CACNG2: variants seen among roughly 807,000 people sequenced by gnomAD.
CACNG2 encodes the protein calcium voltage-gated channel auxiliary subunit gamma 2, also known as voltage-dependent calcium channel gamma-2 subunit.
Under a neutral mutation model 25.9 loss-of-function variants are expected in CACNG2, and 3 were observed. That is an observed-to-expected ratio of 0.12 (90% CI 0.05 to 0.30). CACNG2 has a LOEUF of 0.30. Ranked by LOEUF, CACNG2 falls within the 10% of genes least tolerant of loss-of-function variation. The probability of loss-of-function intolerance (pLI) is 1.00; values close to 1 mark genes in which losing one functional copy is unlikely to be tolerated. For synonymous variants in CACNG2, 167 were observed against 173.3 expected (o/e 0.96, Z 0.29); for missense variants, 341 against 432.5 (o/e 0.79, Z 1.88).
chr22:36,668,896 G>C (rs547000364), intron 1 of CACNG2, among the ~76,000 whole-genome samples: 2 of 152,266 alleles, frequency 1.3e-5, no homozygotes, highest in African/African-American at 4.8e-5. Flanking sequence ...CAAATGGAGA[G>C]GGTGAATTTG....
chr22:36,564,971 G>T lies in CACNG2; in HGVS notation c.437-85C>A. On this transcript the variant is annotated intron_variant, in intron 3 of 3. Transcript: ENST00000300105. The surrounding 1 kb of genome is among the most constrained non-coding windows in gnomAD (Gnocchi z 6.7). ...AGTCGGCCACAGGGCAGCCGTAAAG[G>T]ACGGGGACAGCTGTGTGGGCCTTCC... The T allele has an allele frequency of 7.9e-7, 1 of 1,263,186 alleles. No individual in the cohort carries two copies. The highest frequency in any genetic ancestry group is 1.1e-6 in the Non-Finnish European group (1 of 876,324). The allele number at this position is 1,263,186 out of a possible 1,614,324, so 78.2% of individuals were successfully genotyped here.
In CACNG2 at chr22:36,702,522, C is replaced by T. The variant is rs894333707; in HGVS notation, c.55G>A (p.Ala19Thr). 6.2e-7 allele frequency: 1 copy of T among 1,614,016 alleles called. No individual in the cohort carries two copies. The highest frequency in any genetic ancestry group is 1.7e-5 in the Admixed American group (1 of 60,010). ...GCTATGGTCATCAGGCTGAAGGCAG[C>T]GAAAGCACCAACGGTGGTTAAAAGC... is the stretch of plus-strand genomic sequence containing the variant. ...QMLLTTVGAF[A>T]AFSLMTIAVG... Residue 19 changes from alanine (A) to threonine (T), a missense_variant, in exon 1 of 4, where the codon GCT (alanine) becomes ACT (threonine). By Grantham distance (58) the Ala-to-Thr change is moderately conservative (BLOSUM62 0). This residue lies in a region of CACNG2 where 169 missense variants were observed against 254.4 expected (regional missense o/e 0.66). Coordinates refer to ENST00000300105, the MANE Select transcript of CACNG2 (RefSeq NM_006078.5).
intron 1 of CACNG2, among the ~76,000 whole-genome samples, chr22:36,647,602 A>AAAG (rs887649100): frequency 1.5e-4 from 23 of 152,052 alleles, no homozygotes; most frequent in South Asian, 2.1e-4. Context: ...ATATCAAAAA[A>AAAG]AAAATGCAAA....
chr22:36,654,594 T>C (rs890694811), intron 1 of CACNG2, among the ~76,000 whole-genome samples: 1 of 152,140 alleles, frequency 6.6e-6, no homozygotes, highest in Admixed American at 6.5e-5. Context: ...CTTTGGCACA[T>C]ATATTTTGAG....
chr22:36,587,502 A>G lies in CACNG2; in HGVS notation c.258T>C (p.Asp86=). The part of the protein sequence containing the change: ...LCKQIDHFPE[D]ADYEADTAEY... ...CTGCTGTGTCAGCTTCGTAATCTGC[A>G]TCCTCTGGGAAGTGATCAATTTGCT... Residue 86 remains aspartate, a synonymous_variant, in exon 2 of 4, where the codon GAT becomes GAC. Coordinates refer to ENST00000300105, the MANE Select transcript of CACNG2 (RefSeq NM_006078.5). 6.2e-7 allele frequency: 1 copy of G among 1,613,842 alleles called. No individual in the cohort carries two copies. Among genetic ancestry groups the G allele is most frequent in the Non-Finnish European group, 8.5e-7 (1 of 1,179,694 alleles).
intron 1 of CACNG2, among the ~76,000 whole-genome samples, chr22:36,693,913 CT>C (rs1937298431): frequency 6.6e-6 from 1 of 152,190 alleles, no homozygotes; most frequent in African/African-American, 2.4e-5. Context: ...GGTATCTCCT[CT>C]ACTAGACTGA....
At chr22:36,643,929 G>A (rs1936481878) in intron 1 of CACNG2, among the ~76,000 whole-genome samples, 2 of 152,244 alleles carry the variant, frequency 1.3e-5, no homozygotes, top group African/African-American at 2.4e-5. Context: ...GGTTACATCC[G>A]GAAAATGGCA....
At position 36,600,442 on chromosome 22, in the gene CACNG2, CA is replaced by C. The variant is rs1935738210; in HGVS notation, c.212-12895del. On this transcript the variant is annotated intron_variant, in intron 1 of 3. Transcript: ENST00000300105. ...TCTTTTTAATTTTAGGTAAATAAACCAAAAAAACAAAAAAAAAAATGCGGGA... is the reference window on the plus strand; with the variant it reads ...TCTTTTTAATTTTAGGTAAATAAACCAAAAAACAAAAAAAAAAATGCGGGA... Among the ~76,000 whole-genome samples the C allele has an allele frequency of 1.2e-4, 8 of 67,606 alleles. No individual in the cohort carries two copies. The South Asian group carries it at 2.8e-3, about 23-fold the overall frequency. 44.4% of individuals were successfully genotyped at this position (67,606 alleles called of 152,430 possible).
chr22:36,587,093 T>C (rs2145921858), intron 2 of CACNG2, among the ~76,000 whole-genome samples: 1 of 152,026 alleles, frequency 6.6e-6, no homozygotes, highest in East Asian at 1.9e-4. Flanking sequence ...AATGCTAGGG[T>C]GAGTCCATAC....
At position 36,564,315 on chromosome 22, in the gene CACNG2, C is replaced by G; in HGVS notation, c.*36G>C. The stretch of plus-strand genomic sequence containing the variant: ...CCCGCCCCGCCCCCGGGGACCGCGC[C>G]CTCCTCCCGCGGTCTTCTGGCGAGG... On this transcript the variant is annotated 3_prime_UTR_variant, in exon 4 of 4. Coordinates refer to ENST00000300105, the MANE Select transcript of CACNG2 (RefSeq NM_006078.5). The surrounding 1 kb of genome is among the most constrained non-coding windows in gnomAD (Gnocchi z 6.7). The G allele has an allele frequency of 6.3e-7, 1 of 1,585,146 alleles. No individual in the cohort carries two copies. The highest frequency in any genetic ancestry group is 1.1e-5 in the South Asian group (1 of 88,020).
chr22:36,656,027 T>C, intron 1 of CACNG2, among the ~76,000 whole-genome samples: 1 of 152,078 alleles, frequency 6.6e-6, no homozygotes. Flanking sequence ...AGGCTGGTCT[T>C]GAACTCCTGA....
At chr22:36,600,244 A>C (rs1008549834) in intron 1 of CACNG2, among the ~76,000 whole-genome samples, 12 of 152,196 alleles carry the variant, frequency 7.9e-5, no homozygotes, top group African/African-American at 2.9e-4. Context: ...AACTATCTTT[A>C]TTTTCTTACT....
At chr22:36,681,091 GATCT>G (rs887066655) in intron 1 of CACNG2, among the ~76,000 whole-genome samples, 6 of 152,154 alleles carry the variant, frequency 3.9e-5, no homozygotes, top group East Asian at 1.9e-4. Flanking sequence ...AGAAGCTAAA[GATCT>G]ATCTATCATC....
Position 36,665,012 on chromosome 22 carries a change from C to T in CACNG2, c.211+37354G>A, listed in dbSNP as rs75776885. On this transcript the variant is annotated intron_variant, in intron 1 of 3. Transcript: ENST00000300105. ...AAGCTGGCGAGAGTGGGAGGGCCTGCTAGAAGGACCTCAGGATGGAGGAGA... is the reference window on the plus strand; with the variant it reads ...AAGCTGGCGAGAGTGGGAGGGCCTGTTAGAAGGACCTCAGGATGGAGGAGA... Among the ~76,000 whole-genome samples the T allele has an allele frequency of 5.1e-3, 770 of 152,190 alleles. 7 individuals carry two copies. Among genetic ancestry groups the T allele is most frequent in the African/African-American group, 0.017 (704 of 41,520 alleles).
chr22:36,627,004 C>CA (rs56214744), intron 1 of CACNG2, among the ~76,000 whole-genome samples: 6,387 of 152,332 alleles, frequency 0.042, 191 homozygotes, highest in Non-Finnish European at 0.062. Context: ...GCCAGGGCCA[C>CA]ACAGATAGGA....
At chr22:36,578,511 T>C (rs937129413) in intron 2 of CACNG2, among the ~76,000 whole-genome samples, 1 of 152,146 alleles carries the variant, frequency 6.6e-6, no homozygotes, top group Non-Finnish European at 1.5e-5. Flanking sequence ...TTGTGTAACT[T>C]GCCAAAGGTC....
chr22:36,564,949 C>T lies in CACNG2; in HGVS notation c.437-63G>A, dbSNP rs1211561995. On this transcript the variant is annotated intron_variant, in intron 3 of 3. Transcript: ENST00000300105. This position sits in a 1 kb window ranked among gnomAD's most constrained non-coding sequence, Gnocchi z 6.7. ...GAAGGACGTTAGTTTCTCAGGAAGT[C>T]GGCCACAGGGCAGCCGTAAAGGACG... 5.4e-6 allele frequency: 8 copies of T among 1,491,696 alleles called. No homozygotes were observed. The East Asian group carries it at 6.8e-5, about 13-fold the overall frequency. The allele number at this position is 1,491,696 out of a possible 1,614,324, so 92.4% of individuals were successfully genotyped here.
intron 1 of CACNG2, among the ~76,000 whole-genome samples, chr22:36,699,237 T>TCACACACACACACACACA (rs3076293): frequency 4.9e-5 from 7 of 141,904 alleles, no homozygotes; most frequent in African/African-American, 1.4e-4. Flanking sequence ...GATTTCAAGT[T>TCACACACACACACACACA]CACACACACA....
chr22:36,679,197 C>CCTTCCTTCCTTCCTTTCTTT (rs1491420417), intron 1 of CACNG2, among the ~76,000 whole-genome samples: 14 of 54,822 alleles, frequency 2.6e-4, no homozygotes, highest in African/African-American at 4.8e-4. Context: ...TTCCTTCCTT[C>CCTTCCTTCCTTCCTTTCTTT]CTTTCTTTCT....
Sources: gnomAD v4.1 joint callset for allele counts (sites outside exome capture counted in the v4.1 genomes callset) on GRCh38, gnomAD v4.1.1 for gene constraint, gnomAD v4.1.1 regional missense constraint, Gnocchi (gnomAD v3.1) non-coding constraint, MANE v1.5 for transcripts, NCBI Gene and HGNC (gene_info 2026-07-23, HGNC 2026-07-21) for gene names.